The following CCDC146 variants were observed in gnomAD, a reference collection of about 807,000 sequenced individuals.
CCDC146 encodes the protein coiled-coil domain-containing protein 146.
In CCDC146, 92 loss-of-function variants were observed where a neutral mutation model predicts 119.3. The ratio of observed to expected loss-of-function variants is 0.77; its 90% confidence interval spans 0.65 to 0.92. CCDC146 has a LOEUF of 0.92. CCDC146 is among the 40% of genes least tolerant of loss of function. The pLI is 0.00. For synonymous variants in CCDC146, 372 were observed against 371.8 expected (o/e 1.00, Z -0.01); for missense variants, 1,000 against 1,103.0 (o/e 0.91, Z 1.32).
At chr7:77,135,419 T>C (rs113309709) in intron 1 of CCDC146, among the ~76,000 whole-genome samples, 1,754 of 149,552 alleles carry the variant, frequency 0.012, 26 homozygotes, top group African/African-American at 0.041. Flanking sequence ...GGCCAGAAGA[T>C]TCAGGCTGCA....
At chr7:77,123,688 T>TG (rs1219155769) in intron 1 of CCDC146, among the ~76,000 whole-genome samples, 2 of 152,126 alleles carry the variant, frequency 1.3e-5, no homozygotes, top group Admixed American at 1.3e-4. Context: ...CCAGAATTCT[T>TG]GGGGCTATCG....
At chr7:77,269,827 C>T (rs952700616) in intron 9 of CCDC146, among the ~76,000 whole-genome samples, 1 of 152,206 alleles carries the variant, frequency 6.6e-6, no homozygotes, top group Non-Finnish European at 1.5e-5. Flanking sequence ...CTAACTTCCT[C>T]TTTGACCCTG....
At chr7:77,239,934 C>A (rs1298673284) in intron 3 of CCDC146, among the ~76,000 whole-genome samples, 2 of 152,218 alleles carry the variant, frequency 1.3e-5, no homozygotes, top group East Asian at 1.9e-4. Context: ...CCGTGACCTT[C>A]AAGTCCATCC....
intron 8 of CCDC146, among the ~76,000 whole-genome samples, chr7:77,260,973 A>G (rs928500023): frequency 2.6e-5 from 4 of 151,960 alleles, no homozygotes; most frequent in African/African-American, 7.2e-5. Context: ...GGAGGCTTCT[A>G]TCTCTGCCAG....
intron 11 of CCDC146, among the ~76,000 whole-genome samples, chr7:77,275,963 T>C (rs1793626435): frequency 6.6e-6 from 1 of 151,998 alleles, no homozygotes; most frequent in South Asian, 2.1e-4. Context: ...TCTCAGCACT[T>C]TGGGAGGCTG....
chr7:77,233,298 G>A (rs1792669844), intron 2 of CCDC146, among the ~76,000 whole-genome samples: 1 of 151,742 alleles, frequency 6.6e-6, no homozygotes, highest in Admixed American at 6.6e-5. Flanking sequence ...CATCATGTTG[G>A]CCAGGCTGGT....
chr7:77,259,939 A>AGTGT (rs58669153), intron 7 of CCDC146, 70 bp from the exon 8 acceptor site: 87 of 758,132 alleles, frequency 1.1e-4, no homozygotes, highest in South Asian at 1.7e-4. Context: ...AAATAAGGCA[A>AGTGT]GTGTGTGTGT....
intron 2 of CCDC146, among the ~76,000 whole-genome samples, chr7:77,168,837 C>T (rs1791377067): frequency 6.6e-6 from 1 of 152,074 alleles, no homozygotes; most frequent in African/African-American, 2.4e-5. Flanking sequence ...CTCTCAACCT[C>T]TCTCTTTCTC....
At chr7:77,293,327 T>C (rs1757899244) in intron 18 of CCDC146, 127 bp downstream of exon 18, 1 of 983,384 alleles carries the variant, frequency 1.0e-6, no homozygotes, top group African/African-American at 1.6e-5. Context: ...CAACAGTCGT[T>C]AGAAGTGTAT....
intron 14 of CCDC146, among the ~76,000 whole-genome samples, chr7:77,281,490 C>T (rs1195257518): frequency 6.6e-6 from 1 of 152,108 alleles, no homozygotes; most frequent in African/African-American, 2.4e-5. Flanking sequence ...ATTTGCAGAG[C>T]CCTGTGATAA....
chr7:77,273,592 C>T, intron 9 of CCDC146, 102 bp from the exon 10 acceptor site: 1 of 689,340 alleles, frequency 1.5e-6, no homozygotes, highest in Non-Finnish European at 2.5e-6. Flanking sequence ...ACGATCTCAG[C>T]TCACTGCAAC....
In CCDC146 at chr7:77,260,047, T is replaced by C. The variant is rs537678987; in HGVS notation, c.797T>C (p.Val266Ala). 74 of 1,573,582 alleles carry C rather than the reference T, an allele frequency of 4.7e-5. 3 individuals carry two copies. In the South Asian group the frequency reaches 7.7e-4, roughly 16 times the overall value. ...EKKKIVLEQEVKTLNDSLKKV... is the reference protein window; with the variant it reads ...EKKKIVLEQEAKTLNDSLKKV... ...AAAAAAATTGTCTTGGAACAAGAAG[T>C]CAAAACGCTAAATGACTCCCTAAAG... Residue 266 changes from valine to alanine, a missense_variant, in exon 8 of 19, where the codon GTC becomes GCC. This residue lies in a region of CCDC146 where 985 missense variants were observed against 1,045.3 expected (regional missense o/e 0.94). Coordinates refer to ENST00000285871, the MANE Select transcript of CCDC146 (RefSeq NM_020879.3).
intron 11 of CCDC146, among the ~76,000 whole-genome samples, chr7:77,276,310 A>G (rs189709466): frequency 1.3e-5 from 2 of 152,302 alleles, no homozygotes; most frequent in East Asian, 3.9e-4. Context: ...ATTTACATAG[A>G]ATGGTATTTC....
At chr7:77,215,984 C>T (rs976341078) in intron 2 of CCDC146, among the ~76,000 whole-genome samples, 1 of 151,950 alleles carries the variant, frequency 6.6e-6, no homozygotes, top group Non-Finnish European at 1.5e-5. Flanking sequence ...AGAATTCTAG[C>T]TTGTATCCCT....
intron 2 of CCDC146, among the ~76,000 whole-genome samples, chr7:77,211,029 G>A (rs1044062947): frequency 1.3e-5 from 2 of 152,122 alleles, no homozygotes; most frequent in Admixed American, 1.3e-4. Context: ...TATCAATCTT[G>A]TAATAGTTTT....
At chr7:77,125,082 T>G (rs1790674320) in intron 1 of CCDC146, among the ~76,000 whole-genome samples, 1 of 151,872 alleles carries the variant, frequency 6.6e-6, no homozygotes. Context: ...TAATCCCAGC[T>G]ACTCAGGAGG....
chr7:77,236,899 GC>G lies in CCDC146; in HGVS notation c.157-46del, dbSNP rs1418414380. Reference sequence around the variant, plus strand: ...TATATCCATTCCATCCCCTGCTTAAGCCTAAAGAGAATGGTGATTAACAGTG... The same window carrying G: ...TATATCCATTCCATCCCCTGCTTAAGCTAAAGAGAATGGTGATTAACAGTG... On this transcript the variant is annotated intron_variant, in intron 2 of 18. Transcript: ENST00000285871. 6 of 1,383,058 alleles carry G rather than the reference GC, an allele frequency of 4.3e-6. No individual in the cohort carries two copies. In the East Asian group the frequency reaches 1.4e-4, roughly 32 times the overall value. 85.7% of individuals were successfully genotyped at this position (1,383,058 alleles called of 1,614,324 possible). A position where few individuals can be genotyped will look rare whatever the true frequency, so the allele number is the denominator to read the frequency against.
At chr7:77,160,396 C>G (rs1385322792) in intron 1 of CCDC146, among the ~76,000 whole-genome samples, 1 of 152,138 alleles carries the variant, frequency 6.6e-6, no homozygotes, top group Non-Finnish European at 1.5e-5. Context: ...TCTTTCTACC[C>G]ATGAGCATGG....
chr7:77,295,120 A>C lies in CCDC146; in HGVS notation c.*254A>C. ...TTGAATCGCTTATATTTTCTTTTTC[A>C]CTCTTTATATTGAGTACATTCCAGA... On this transcript the variant is annotated 3_prime_UTR_variant, in exon 19 of 19. Transcript: ENST00000285871. The C allele has an allele frequency of 2.6e-6, 1 of 389,080 alleles. No homozygotes were observed. The highest frequency in any genetic ancestry group is 4.7e-6 in the Non-Finnish European group (1 of 214,576). The allele number at this position is 389,080 out of a possible 1,614,324, so 24.1% of individuals were successfully genotyped here.
Sources: allele counts gnomAD v4.1 joint callset (sites outside exome capture counted in the v4.1 genomes callset), GRCh38; gene constraint gnomAD v4.1.1; regional missense constraint gnomAD v4.1.1; transcripts MANE v1.5; gene names NCBI Gene and HGNC (gene_info 2026-07-23, HGNC 2026-07-21).